The following TBC1D1 variants were observed in gnomAD, a reference collection of about 807,000 sequenced individuals.
TBC1D1 encodes the protein TBC1 (tre-2/USP6, BUB2, cdc16) domain family, member 1.
In TBC1D1, 89 loss-of-function variants were observed where a neutral mutation model predicts 125.6. The ratio of observed to expected loss-of-function variants is 0.71; its 90% confidence interval spans 0.60 to 0.85. The LOEUF (loss-of-function observed/expected upper bound fraction) is 0.85. Among genes scored for constraint, TBC1D1 ranks in the 40% least tolerant of loss-of-function variants. The pLI is 0.00. For synonymous variants in TBC1D1, 565 were observed against 564.1 expected (o/e 1.00, Z -0.02); for missense variants, 1,377 against 1,469.2 (o/e 0.94, Z 1.03).
At chr4:38,096,637 G>A (rs1045820441) in intron 14 of TBC1D1, among the ~76,000 whole-genome samples, 3 of 152,184 alleles carry the variant, frequency 2.0e-5, no homozygotes, top group East Asian at 1.9e-4. Context: ...CTTAGAGAGC[G>A]GGCAGGATTC....
At chr4:37,928,062 T>G (rs1287900884) in intron 2 of TBC1D1, among the ~76,000 whole-genome samples, 1 of 152,220 alleles carries the variant, frequency 6.6e-6, no homozygotes, top group Non-Finnish European at 1.5e-5. Flanking sequence ...AAGCACCGAA[T>G]CTCTCTGCCT....
chr4:37,932,688 C>T (rs1221524532), intron 2 of TBC1D1, among the ~76,000 whole-genome samples: 2 of 152,158 alleles, frequency 1.3e-5, no homozygotes, highest in Non-Finnish European at 2.9e-5. Flanking sequence ...AAAGCTGGGA[C>T]TAGAACCCAG....
intron 12 of TBC1D1, among the ~76,000 whole-genome samples, chr4:38,063,485 ATTTGT>A (rs1753128643): frequency 6.6e-6 from 1 of 152,102 alleles, no homozygotes; most frequent in Admixed American, 6.5e-5. Flanking sequence ...AGAAGGATAG[ATTTGT>A]TTTGTTTAAA....
intron 2 of TBC1D1, among the ~76,000 whole-genome samples, chr4:37,947,500 A>C (rs1005227513): frequency 6.6e-6 from 1 of 151,976 alleles, no homozygotes; most frequent in Admixed American, 6.6e-5. Flanking sequence ...TCACTCTGTC[A>C]TCCAGGCTGG....
At chr4:38,137,102 A>G in intron 19 of TBC1D1, 33 bp from the exon 22 acceptor site, 4 of 1,611,996 alleles carry the variant, frequency 2.5e-6, no homozygotes, top group Non-Finnish European at 3.4e-6. Flanking sequence ...TAGCACTGGC[A>G]ATTGTATTCT....
In TBC1D1 at chr4:38,125,281, G is replaced by A. The variant is rs544673763; in HGVS notation, c.3132+150G>A. On this transcript the variant is annotated intron_variant, in intron 18 of 19. Coordinates refer to ENST00000261439, the MANE Select transcript of TBC1D1 (RefSeq NM_015173.4). ...GGCATGGAGGAGGCATATCACAAAC[G>A]TGTGGAATGATCGTGAGTGTGTGTG... 41 of 698,950 alleles carry A rather than the reference G, an allele frequency of 5.9e-5. 1 individual carries two copies. The highest frequency in any genetic ancestry group is 9.4e-5 in the Non-Finnish European group (40 of 423,762). The allele number at this position is 698,950 out of a possible 1,614,324, so 43.3% of individuals were successfully genotyped here.
At chr4:37,904,874 C>A (rs966780040) in intron 2 of TBC1D1, among the ~76,000 whole-genome samples, 6 of 152,230 alleles carry the variant, frequency 3.9e-5, no homozygotes, top group African/African-American at 1.4e-4. Flanking sequence ...GTTCTTGGGA[C>A]ACCAATGTCA....
At chr4:37,954,390 TAAA>T (rs60350507) in intron 2 of TBC1D1, among the ~76,000 whole-genome samples, 77,915 of 148,022 alleles carry the variant, frequency 0.53, 20,927 homozygotes, top group East Asian at 0.94. Context: ...ATTCATTCAG[TAAA>T]AAAAAAAAAA....
Position 38,096,031 on chromosome 4 carries a change from C to T in TBC1D1, c.2339C>T (p.Thr780Ile), listed in dbSNP as rs894198325. 6.2e-7 allele frequency: 1 copy of T among 1,613,842 alleles called. No individual in the cohort carries two copies. Among genetic ancestry groups the T allele is most frequent in the African/African-American group, 1.3e-5 (1 of 74,906 alleles). The stretch of plus-strand genomic sequence containing the variant: ...ACAGTGTGGGAAAAGATGCTTAGCA[C>T]TCCAGGAAGATCAAAAATTAAGTTT... The change falls in exon 14 of 20, where the codon ACT becomes ATT. Residue 780 changes from threonine (T) to isoleucine (I), a missense_variant. This residue lies in a region of TBC1D1 where 543 missense variants were observed against 613.5 expected (regional missense o/e 0.89). Transcript: ENST00000261439.
chr4:37,942,969 G>A (rs1725893551), intron 2 of TBC1D1, among the ~76,000 whole-genome samples: 1 of 152,202 alleles, frequency 6.6e-6, no homozygotes, highest in African/African-American at 2.4e-5. Flanking sequence ...TGCAGTGGCT[G>A]GTACCAGTTG....
intron 14 of TBC1D1, among the ~76,000 whole-genome samples, chr4:38,099,418 GA>G (rs1443547273): frequency 1.3e-5 from 2 of 152,176 alleles, no homozygotes; most frequent in African/African-American, 4.8e-5. Flanking sequence ...TTATAGACAG[GA>G]TGACCATAGG....
At chr4:38,005,304 C>T (rs1267532318) in intron 2 of TBC1D1, among the ~76,000 whole-genome samples, 4 of 152,208 alleles carry the variant, frequency 2.6e-5, no homozygotes, top group Admixed American at 1.3e-4. Context: ...AGTTCTGATA[C>T]ATTGATCTCA....
At chr4:38,120,645 G>A (rs2152593910) in intron 17 of TBC1D1, among the ~76,000 whole-genome samples, 1 of 152,324 alleles carries the variant, frequency 6.6e-6, no homozygotes, top group East Asian at 1.9e-4. Flanking sequence ...CTGCTCCTTG[G>A]AGGGGCGGCT....
chr4:38,070,226 C>G (rs1395372456), intron 12 of TBC1D1, among the ~76,000 whole-genome samples: 2 of 152,206 alleles, frequency 1.3e-5, no homozygotes, highest in African/African-American at 4.8e-5. Context: ...CTAAAGTGCT[C>G]AGATAGCTGG....
chr4:38,123,697 G>A (rs1396531925), intron 17 of TBC1D1, among the ~76,000 whole-genome samples: 1 of 152,030 alleles, frequency 6.6e-6, no homozygotes, highest in Non-Finnish European at 1.5e-5. Flanking sequence ...AGCTGGGTGG[G>A]AGAAGCAGGC....
intron 12 of TBC1D1, among the ~76,000 whole-genome samples, chr4:38,074,690 C>A (rs1193617520): frequency 6.6e-6 from 1 of 152,100 alleles, no homozygotes; most frequent in East Asian, 1.9e-4. Context: ...CTTAATGATG[C>A]CACATGGAAG....
chr4:38,053,116 C>T (rs58983546), intron 11 of TBC1D1: 176,326 of 1,496,364 alleles, frequency 0.12, 11,612 homozygotes, highest in Non-Finnish European at 0.13. Flanking sequence ...CATCTCCTAC[C>T]GTAATGCCCT....
chr4:38,071,484 AT>A (rs1278057935), intron 12 of TBC1D1, among the ~76,000 whole-genome samples: 1 of 152,228 alleles, frequency 6.6e-6, no homozygotes, highest in African/African-American at 2.4e-5. Flanking sequence ...CCCATTACTC[AT>A]CCTATACAAT....
intron 15 of TBC1D1, among the ~76,000 whole-genome samples, chr4:38,104,492 C>T (rs1025055859): frequency 1.6e-4 from 24 of 152,184 alleles, no homozygotes; most frequent in Non-Finnish European, 2.6e-4. Flanking sequence ...TGAGCTGGCT[C>T]GATGTGGTAG....
Sources: gnomAD v4.1 joint callset for allele counts (sites outside exome capture counted in the v4.1 genomes callset) on GRCh38, gnomAD v4.1.1 for gene constraint, gnomAD v4.1.1 regional missense constraint, MANE v1.5 for transcripts, NCBI Gene and HGNC (gene_info 2026-07-23, HGNC 2026-07-21) for gene names.